NSUN7: variants seen among roughly 807,000 people sequenced by gnomAD.
The protein encoded by NSUN7 is protein NSUN7.
A neutral mutation model predicts 58.5 loss-of-function variants in NSUN7; 39 were observed. The ratio of observed to expected loss-of-function variants is 0.67; its 90% CI spans 0.52 to 0.87. The LOEUF (loss-of-function observed/expected upper bound fraction) is 0.87, where lower values mean the gene tolerates loss of function less well. NSUN7 is among the 40% of genes least tolerant of loss of function. The probability of loss-of-function intolerance (pLI) is 0.00; values close to 1 mark genes in which losing one functional copy is unlikely to be tolerated. For missense variants in NSUN7, 765 were observed against 844.1 expected (o/e 0.91, Z 1.16); for synonymous variants, 278 against 303.7 (o/e 0.92, Z 0.88).
At chr4:40,780,774 CACACACACACACAT>C (rs1441454308) in intron 7 of NSUN7, among the ~76,000 whole-genome samples, 1,749 of 72,030 alleles carry the variant, frequency 0.024, 42 homozygotes, top group African/African-American at 0.097. Flanking sequence ...CACACACACA[CACACACACACACAT>C]ACACATATAT....
At chr4:40,760,776 G>T (rs2154286751) in intron 3 of NSUN7, among the ~76,000 whole-genome samples, 1 of 150,290 alleles carries the variant, frequency 6.7e-6, no homozygotes, top group Admixed American at 6.7e-5. Flanking sequence ...CAGGAGAATT[G>T]CTTGAAAACC....
chr4:40,792,701 G>A (rs980900045), intron 8 of NSUN7, among the ~76,000 whole-genome samples: 1 of 151,940 alleles, frequency 6.6e-6, no homozygotes, highest in African/African-American at 2.4e-5. Context: ...GCAGTGAGCC[G>A]AGATCGCGCC....
chr4:40,802,872 C>T (rs1430929448), intron 10 of NSUN7, among the ~76,000 whole-genome samples: 4 of 149,214 alleles, frequency 2.7e-5, no homozygotes, highest in African/African-American at 4.9e-5. Flanking sequence ...ATGTGCCATG[C>T]TGGTGTGCTG....
In NSUN7 at chr4:40,750,683, G is replaced by A; in HGVS notation, c.-11G>A. On this transcript the variant is annotated 5_prime_UTR_variant, in exon 2 of 12. Coordinates refer to ENST00000381782, the MANE Select transcript of NSUN7 (RefSeq NM_024677.6). ...CCAGGGTGAAGGACTCACGACAGGC[G>A]AGGGGCAGACATGCTGAATTCCACG... The A allele has an allele frequency of 1.9e-6, 3 of 1,611,256 alleles. No homozygotes were observed. Among genetic ancestry groups the A allele is most frequent in the Non-Finnish European group, 2.5e-6 (3 of 1,178,592 alleles).
At chr4:40,803,990 A>G (rs1325931754) in intron 10 of NSUN7, among the ~76,000 whole-genome samples, 2 of 152,172 alleles carry the variant, frequency 1.3e-5, no homozygotes, top group African/African-American at 4.8e-5. Context: ...TGATTGGGAG[A>G]CAGAGCAAAA....
Position 40,810,697 on chromosome 4 carries a change from G to C in NSUN7, c.*1758G>C, listed in dbSNP as rs1744244651. ...AAGAATTCTTCATGTTATCACTCTT[G>C]TACAGAAAGATATAAAGTGCTCAGC... On this transcript the variant is annotated 3_prime_UTR_variant, in exon 12 of 12. Coordinates refer to ENST00000381782, the MANE Select transcript of NSUN7 (RefSeq NM_024677.6). The C allele has an allele frequency of 6.6e-6, 1 of 150,582 alleles. No homozygotes were observed. Among genetic ancestry groups the C allele is most frequent in the Non-Finnish European group, 1.5e-5 (1 of 67,760 alleles). The allele number at this position is 150,582 out of a possible 1,614,324, so 9.3% of individuals were successfully genotyped here. A position where few individuals can be genotyped will look rare whatever the true frequency, so the allele number is the denominator to read the frequency against.
At chr4:40,765,673 G>A (rs1040250192) in intron 4 of NSUN7, among the ~76,000 whole-genome samples, 1 of 152,190 alleles carries the variant, frequency 6.6e-6, no homozygotes, top group African/African-American at 2.4e-5. Context: ...ACCTTGGGTA[G>A]TATGGCCATT....
intron 4 of NSUN7, among the ~76,000 whole-genome samples, chr4:40,764,021 C>G (rs1355962532): frequency 2.0e-5 from 3 of 151,568 alleles, no homozygotes; most frequent in African/African-American, 7.3e-5. Flanking sequence ...TACAAAGATG[C>G]CACAGTATTT....
rs576605306 is a variant in NSUN7 at position 40,807,548 on chromosome 4, C to T, written c.1524+364C>T. 2.0e-5 allele frequency among the ~76,000 whole-genome samples: 3 copies of T among 152,124 alleles called. No homozygotes were observed. In the East Asian group the frequency reaches 5.8e-4, roughly 29 times the overall value. On this transcript the variant is annotated intron_variant, in intron 11 of 11. Transcript: ENST00000381782. ...TATTTTTAGTAGAGACGGGGTTTCA[C>T]CATCTTGGCCAGGCTGGTCTTGAAC...
At chr4:40,752,195 G>A (rs1325501259) in intron 2 of NSUN7, among the ~76,000 whole-genome samples, 3 of 152,166 alleles carry the variant, frequency 2.0e-5, no homozygotes, top group Non-Finnish European at 4.4e-5. Flanking sequence ...CCTTCCTAAA[G>A]AGACACCTCA....
intron 10 of NSUN7, 102 bp from the exon 11 acceptor site, chr4:40,806,959 T>C: frequency 2.5e-6 from 3 of 1,204,864 alleles, no homozygotes; most frequent in African/African-American, 1.6e-5. Context: ...GTTTAAACGA[T>C]TGGTAAAGTA....
Position 40,809,846 on chromosome 4 carries a change from T to C in NSUN7, c.*907T>C, listed in dbSNP as rs992030464. On this transcript the variant is annotated 3_prime_UTR_variant, in exon 12 of 12. Transcript: ENST00000381782. ...CAATTAAATATATTGTAGCACTATG[T>C]TAATTAATTATATTAAATGTCGATT... 2 of 152,164 alleles carry C rather than the reference T, an allele frequency of 1.3e-5. No individual in the cohort carries two copies. The highest frequency in any genetic ancestry group is 4.8e-5 in the African/African-American group (2 of 41,458). 9.4% of individuals were successfully genotyped at this position (152,164 alleles called of 1,614,324 possible).
chr4:40,760,875 A>C (rs1425201012), intron 3 of NSUN7, among the ~76,000 whole-genome samples: 1 of 151,990 alleles, frequency 6.6e-6, no homozygotes, highest in Non-Finnish European at 1.5e-5. Context: ...AAAAAAAAAA[A>C]AAAAAAGATT....
Position 40,808,457 on chromosome 4 carries a change from G to A in NSUN7, c.1675G>A (p.Asp559Asn). Residue 559 changes from aspartate to asparagine, a missense_variant, in exon 12 of 12, where the codon GAT becomes AAT. Asp to Asn is a conservative substitution (Grantham distance 23). Transcript: ENST00000381782. ...ATCATTGACAAAAGGTGCCACTACT[G>A]ATAATGGCATCCAAATGAAAATTGC... Reference protein sequence around the residue: ...KTSLTKGATTDNGIQMKIAEF... With the variant: ...KTSLTKGATTNNGIQMKIAEF... 6.3e-7 allele frequency: 1 copy of A among 1,595,214 alleles called. No individual in the cohort carries two copies. The highest frequency in any genetic ancestry group is 8.6e-7 in the Non-Finnish European group (1 of 1,168,512).
chr4:40,755,150 C>T (rs973455773), intron 2 of NSUN7, among the ~76,000 whole-genome samples: 27 of 152,086 alleles, frequency 1.8e-4, no homozygotes, highest in African/African-American at 5.6e-4. Flanking sequence ...AGTGCAGTGG[C>T]GCGATCTCGG....
At position 40,775,004 on chromosome 4, in the gene NSUN7, A is replaced by C; in HGVS notation, c.825+54A>C. The C allele has an allele frequency of 1.3e-6, 1 of 746,186 alleles. No homozygotes were observed. Among genetic ancestry groups the C allele is most frequent in the Non-Finnish European group, 2.2e-6 (1 of 462,790 alleles). 46.2% of individuals were successfully genotyped at this position (746,186 alleles called of 1,614,324 possible). A position where few individuals can be genotyped will look rare whatever the true frequency, so the allele number is the denominator to read the frequency against. On this transcript the variant is annotated intron_variant, in intron 6 of 11. Transcript: ENST00000381782. The surrounding 1 kb of genome is among the most constrained non-coding windows in gnomAD (Gnocchi z 4.3). ...TCTCAACAATCCAACCTAGCCAAAG[A>C]ACTTCTCCACTTAAAAATAAAACCT...
At chr4:40,779,461 G>A (rs1470438381) in intron 7 of NSUN7, among the ~76,000 whole-genome samples, 2 of 152,088 alleles carry the variant, frequency 1.3e-5, no homozygotes, top group East Asian at 3.9e-4. Context: ...AAAATTAGCC[G>A]GGTGTGATGG....
Position 40,808,807 on chromosome 4 carries a change from G to T in NSUN7, c.2025G>T (p.Leu675Phe). Residue 675 changes from leucine (L) to phenylalanine (F), a missense_variant, in exon 12 of 12, where the codon TTG (leucine) becomes TTT (phenylalanine). By Grantham distance (22) the Leu-to-Phe change is conservative. Transcript: ENST00000381782. The stretch of plus-strand genomic sequence containing the variant: ...GATCTCGGATGCCAACTCAACATTT[G>T]TACTGTCGTTGGGTTGCACCCAAGG... Reference protein sequence around the residue: ...GIRSRMPTQHLYCRWVAPKAL... With the variant: ...GIRSRMPTQHFYCRWVAPKAL... 1 of 1,548,562 alleles carries T rather than the reference G, an allele frequency of 6.5e-7. No homozygotes were observed. The highest frequency in any genetic ancestry group is 2.4e-5 in the East Asian group (1 of 40,842).
At chr4:40,750,489 C>A in intron 1 of NSUN7, 114 bp from the exon 2 acceptor site, 1 of 525,054 alleles carries the variant, frequency 1.9e-6, no homozygotes. Context: ...GTCTGGGACA[C>A]TCAGATGGGA....
Sources: allele counts gnomAD v4.1 joint callset (sites outside exome capture counted in the v4.1 genomes callset), GRCh38; gene constraint gnomAD v4.1.1; non-coding constraint Gnocchi (gnomAD v3.1); transcripts MANE v1.5; gene names NCBI Gene and HGNC (gene_info 2026-07-23, HGNC 2026-07-21).